Variants in ACAP2 observed in about 807,000 individuals in gnomAD.
ACAP2 encodes the protein ArfGAP with coiled-coil, ankyrin repeat and PH domains 2, also known as arf-GAP with coiled-coil, ANK repeat and PH domain-containing protein 2.
ACAP2 carries 39 observed loss-of-function variants against 115.8 expected under a neutral mutation model. The ratio of observed to expected loss-of-function variants is 0.34; its 90% CI spans 0.26 to 0.44. The LOEUF (loss-of-function observed/expected upper bound fraction) is 0.44. Among genes scored for constraint, ACAP2 ranks in the 20% least tolerant of loss-of-function variants. ACAP2 has a pLI of 1.00. For synonymous variants in ACAP2, 289 were observed against 315.8 expected, an observed-to-expected ratio of 0.92 and a Z score of 0.90; for missense variants, 662 against 927.6, an observed-to-expected ratio of 0.71 and a Z score of 3.72.
intron 8 of ACAP2, 28 bp downstream of exon 8, chr3:195,333,000 A>G: frequency 6.6e-7 from 1 of 1,509,072 alleles, no homozygotes; most frequent in Non-Finnish European, 9.1e-7. Context: ...TGTATAAAAC[A>G]GAATCAAGAA....
chr3:195,397,605 C>CAA (rs78871756), intron 1 of ACAP2, among the ~76,000 whole-genome samples: 3 of 136,134 alleles, frequency 2.2e-5, no homozygotes, highest in Admixed American at 7.4e-5. Context: ...GAATAAAGTT[C>CAA]AAAAAAAAAA....
intron 1 of ACAP2, among the ~76,000 whole-genome samples, chr3:195,393,888 G>C (rs868017368): frequency 1.4e-5 from 2 of 146,892 alleles, no homozygotes; most frequent in Admixed American, 6.8e-5. Context: ...TTATATTGGG[G>C]GGGGGGGAAG....
chr3:195,417,641 T>C (rs1423986059), intron 1 of ACAP2, among the ~76,000 whole-genome samples: 1 of 152,040 alleles, frequency 6.6e-6, no homozygotes, highest in Non-Finnish European at 1.5e-5. Flanking sequence ...TTAAGAAGCA[T>C]AAATATGATC....
intron 10 of ACAP2, among the ~76,000 whole-genome samples, chr3:195,311,413 T>C (rs1055127592): frequency 6.6e-6 from 1 of 151,680 alleles, no homozygotes; most frequent in Admixed American, 6.6e-5. Context: ...GTTACTAACA[T>C]TTCTAAGAAA....
intron 2 of ACAP2, among the ~76,000 whole-genome samples, chr3:195,390,148 G>C (rs1332477685): frequency 1.3e-5 from 2 of 152,054 alleles, no homozygotes; most frequent in South Asian, 2.1e-4. Context: ...AGTGAGCCGA[G>C]ATCGCGCCAC....
intron 1 of ACAP2, among the ~76,000 whole-genome samples, chr3:195,431,565 G>A (rs1206624908): frequency 4.0e-5 from 6 of 151,328 alleles, no homozygotes; most frequent in African/African-American, 2.4e-5. Flanking sequence ...AGCCTCCCGA[G>A]TAGCTGGGAC....
intron 22 of ACAP2, 76 bp downstream of exon 22, chr3:195,285,720 T>G: frequency 8.3e-7 from 1 of 1,204,256 alleles, no homozygotes; most frequent in Non-Finnish European, 1.2e-6. Context: ...CTATGAATCT[T>G]CCAGTTGTAA....
intron 4 of ACAP2, among the ~76,000 whole-genome samples, chr3:195,373,703 G>A (rs1455451835): frequency 3.9e-5 from 6 of 152,192 alleles, no homozygotes; most frequent in Non-Finnish European, 8.8e-5. Flanking sequence ...GCCGAGGCGG[G>A]TGGATCATTT....
At chr3:195,345,140 C>A in intron 5 of ACAP2, 119 bp downstream of exon 5, 1 of 746,166 alleles carries the variant, frequency 1.3e-6, no homozygotes, top group Non-Finnish European at 2.3e-6. Flanking sequence ...TTTCACAAAG[C>A]AAACAAAATG....
At chr3:195,335,199 A>G (rs1033506672) in intron 7 of ACAP2, among the ~76,000 whole-genome samples, 1 of 152,176 alleles carries the variant, frequency 6.6e-6, no homozygotes. Context: ...CTCTCATTAT[A>G]ATAGCACAGT....
At position 195,291,697 on chromosome 3, in the gene ACAP2, T is replaced by C. The variant is rs781722096; in HGVS notation, c.2063+9A>G. On this transcript the variant is annotated intron_variant, in intron 20 of 22. Transcript: ENST00000326793. ...AAAGTCTCCTTAAATATGAAAGCAC[T>C]GCAGTTACCCTGTGTGCCCTAAGAC... 3 of 1,592,898 alleles carry C rather than the reference T, an allele frequency of 1.9e-6. No individual in the cohort carries two copies. The Admixed American group carries it at 5.5e-5, about 29-fold the overall frequency.
At chr3:195,355,465 C>T (rs552899966) in intron 4 of ACAP2, among the ~76,000 whole-genome samples, 1 of 152,160 alleles carries the variant, frequency 6.6e-6, no homozygotes, top group East Asian at 1.9e-4. Context: ...AGTTTAAAAG[C>T]CACCAACAGA....
intron 1 of ACAP2, among the ~76,000 whole-genome samples, chr3:195,423,071 G>C (rs903812077): frequency 4.6e-5 from 7 of 151,872 alleles, no homozygotes. Context: ...ATTTCAACAT[G>C]AAATTATTTT....
intron 18 of ACAP2, 71 bp downstream of exon 18, chr3:195,294,648 A>G (rs1727528545): frequency 2.0e-6 from 1 of 503,020 alleles, no homozygotes; most frequent in Non-Finnish European, 3.3e-6. Context: ...TTTTTAATCA[A>G]AGGTAAACAT....
intron 2 of ACAP2, among the ~76,000 whole-genome samples, chr3:195,384,843 T>A (rs187223676): frequency 6.6e-6 from 1 of 152,306 alleles, no homozygotes; most frequent in East Asian, 1.9e-4. Context: ...CTTCAAATTG[T>A]GTACTACATA....
chr3:195,325,097 C>G (rs1021826205), intron 9 of ACAP2, among the ~76,000 whole-genome samples: 1 of 151,990 alleles, frequency 6.6e-6, no homozygotes, highest in Non-Finnish European at 1.5e-5. Flanking sequence ...ATCAAATGGG[C>G]CAAAATCTGA....
chr3:195,424,241 TGTG>T (rs1306130399), intron 1 of ACAP2, among the ~76,000 whole-genome samples: 1 of 121,450 alleles, frequency 8.2e-6, no homozygotes, highest in Non-Finnish European at 1.6e-5. Context: ...TGTGTGTGTG[TGTG>T]GTGTGTGTGT....
At chr3:195,328,928 CAATT>C (rs1267490804) in intron 8 of ACAP2, among the ~76,000 whole-genome samples, 3 of 151,810 alleles carry the variant, frequency 2.0e-5, no homozygotes, top group Non-Finnish European at 4.4e-5. Context: ...AAATACAAAA[CAATT>C]AGCCGGGCGT....
rs533137191 is a variant in ACAP2 at position 195,277,414 on chromosome 3, A to C, written c.*1914T>G. ...GATTTAATGTTCCTGTTATTGTTATAATTAAATACAATGCTGTGGAAGTTA... is the reference window on the plus strand; with the variant it reads ...GATTTAATGTTCCTGTTATTGTTATCATTAAATACAATGCTGTGGAAGTTA... On this transcript the variant is annotated 3_prime_UTR_variant, in exon 23 of 23. Transcript: ENST00000326793. The C allele has an allele frequency of 2.0e-4, 30 of 152,350 alleles. No homozygotes were observed. The highest frequency in any genetic ancestry group is 1.8e-3 in the Admixed American group (27 of 15,308). 9.4% of individuals were successfully genotyped at this position (152,350 alleles called of 1,614,324 possible). A position where few individuals can be genotyped will look rare whatever the true frequency, so the allele number is the denominator to read the frequency against.
Sources: allele counts gnomAD v4.1 joint callset (sites outside exome capture counted in the v4.1 genomes callset), GRCh38; gene constraint gnomAD v4.1.1; transcripts MANE v1.5; gene names NCBI Gene and HGNC (gene_info 2026-07-23, HGNC 2026-07-21).